Variants in BCKDHB observed in about 807,000 individuals in gnomAD.
BCKDHB encodes the protein 2-oxoisovalerate dehydrogenase subunit beta, mitochondrial.
In BCKDHB, 41 loss-of-function variants were observed where a neutral mutation model predicts 48.5. The ratio of observed to expected loss-of-function variants is 0.85; its 90% CI spans 0.66 to 1.10. BCKDHB has a LOEUF of 1.10. BCKDHB is among the 50% of genes least tolerant of loss of function. The pLI, the probability that BCKDHB is intolerant of heterozygous loss-of-function variation, is 0.00. For missense variants in BCKDHB, 496 were observed against 494.2 expected, an observed-to-expected ratio of 1.00 and a Z score of -0.03; for synonymous variants, 201 against 174.8, an observed-to-expected ratio of 1.15 and a Z score of -1.18.
chr6:80,389,224 A>G, the BCKDHB span, among the ~76,000 whole-genome samples: 1 of 150,968 alleles, frequency 6.6e-6, no homozygotes, highest in Non-Finnish European at 1.5e-5. Context: ...TTATCACCTA[A>G]TGGGCCCACG....
At chr6:80,244,403 G>A (rs1776519540) in intron 8 of BCKDHB, among the ~76,000 whole-genome samples, 2 of 152,244 alleles carry the variant, frequency 1.3e-5, no homozygotes, top group Admixed American at 6.5e-5. Flanking sequence ...ATATTCCATA[G>A]AGATTCTAAA....
intron 9 of BCKDHB, among the ~76,000 whole-genome samples, chr6:80,325,163 A>G (rs574424338): frequency 2.0e-5 from 3 of 152,298 alleles, no homozygotes; most frequent in East Asian, 3.9e-4. Flanking sequence ...TAATATAATA[A>G]ACATCAAATA....
intron 9 of BCKDHB, among the ~76,000 whole-genome samples, chr6:80,285,245 T>C (rs1382891094): frequency 1.3e-5 from 2 of 152,120 alleles, no homozygotes; most frequent in African/African-American, 4.8e-5. Flanking sequence ...CTAAATTTTA[T>C]TAAAACCAGC....
chr6:80,188,890 G>A (rs1306235953), intron 6 of BCKDHB, among the ~76,000 whole-genome samples: 2 of 152,162 alleles, frequency 1.3e-5, no homozygotes, highest in Non-Finnish European at 2.9e-5. Flanking sequence ...CAAGAGAGGT[G>A]GATAGAAACA....
chr6:80,267,137 G>T (rs892498468), intron 8 of BCKDHB, among the ~76,000 whole-genome samples: 1 of 151,268 alleles, frequency 6.6e-6, no homozygotes, highest in Non-Finnish European at 1.5e-5. Flanking sequence ...TCTTCAGTAG[G>T]CATTGTAAGT....
At position 80,314,319 on chromosome 6, in the gene BCKDHB, A is replaced by G. The variant is rs377135575; in HGVS notation, c.1039-29345A>G. Among the ~76,000 whole-genome samples, 156 of 152,234 alleles carry G rather than the reference A, an allele frequency of 1.0e-3. 1 individual carries two copies. The highest frequency in any genetic ancestry group is 3.5e-3 in the African/African-American group (145 of 41,532). On this transcript the variant is annotated intron_variant, in intron 9 of 9. Coordinates refer to ENST00000320393, the MANE Select transcript of BCKDHB (RefSeq NM_183050.4). ...AGAACTGGGATCAGGGTCCCACTTA[A>G]AGGAGTAATCTGGCTGCGTTTTGGT...
chr6:80,245,773 C>T (rs767707865), intron 8 of BCKDHB, among the ~76,000 whole-genome samples: 4 of 151,958 alleles, frequency 2.6e-5, no homozygotes, highest in South Asian at 4.2e-4. Context: ...CAAGTATTAT[C>T]CAGTTAGAAA....
chr6:80,419,628 C>G, the BCKDHB span, among the ~76,000 whole-genome samples: 1 of 152,182 alleles, frequency 6.6e-6, no homozygotes, highest in Non-Finnish European at 1.5e-5. Flanking sequence ...TTTGTTTAAG[C>G]AGCCTCAACC....
intron 3 of BCKDHB, among the ~76,000 whole-genome samples, chr6:80,165,440 C>T (rs1772524217): frequency 1.3e-5 from 2 of 152,152 alleles, no homozygotes; most frequent in Admixed American, 1.3e-4. Context: ...TTCCCAACAC[C>T]TGCCCCATGT....
chr6:80,413,857 G>A, the BCKDHB span, among the ~76,000 whole-genome samples: 1 of 152,082 alleles, frequency 6.6e-6, no homozygotes, highest in African/African-American at 2.4e-5. Flanking sequence ...CTGTTTTTAT[G>A]TCTTTGAGAA....
At chr6:80,400,781 G>A in the BCKDHB span, among the ~76,000 whole-genome samples, 9 of 151,956 alleles carry the variant, frequency 5.9e-5, no homozygotes, top group South Asian at 2.1e-4. Flanking sequence ...TGATTGCAGC[G>A]CTATTCACAA....
intron 9 of BCKDHB, among the ~76,000 whole-genome samples, chr6:80,276,653 A>G (rs951572803): frequency 1.3e-5 from 2 of 151,692 alleles, no homozygotes; most frequent in African/African-American, 2.4e-5. Flanking sequence ...CAGTGCCCAC[A>G]TCTTAGGTTT....
chr6:80,381,558 CA>C, the BCKDHB span, among the ~76,000 whole-genome samples: 1 of 152,036 alleles, frequency 6.6e-6, no homozygotes, highest in Non-Finnish European at 1.5e-5. Flanking sequence ...GGTTTTCTAA[CA>C]AAAATGTTTT....
At chr6:80,415,229 C>T in the BCKDHB span, among the ~76,000 whole-genome samples, 1 of 152,128 alleles carries the variant, frequency 6.6e-6, no homozygotes, top group Non-Finnish European at 1.5e-5. Flanking sequence ...TTGACTTCCT[C>T]TTTTACTATT....
the BCKDHB span, among the ~76,000 whole-genome samples, chr6:80,413,770 G>A: frequency 6.6e-6 from 1 of 152,164 alleles, no homozygotes; most frequent in Admixed American, 6.5e-5. Context: ...ATTCATGCAT[G>A]TTTCTCTATG....
At chr6:80,164,739 G>A (rs911380695) in intron 3 of BCKDHB, among the ~76,000 whole-genome samples, 2 of 152,086 alleles carry the variant, frequency 1.3e-5, no homozygotes, top group Admixed American at 6.5e-5. Context: ...AGTAATCCGT[G>A]GAGGTAACAC....
chr6:80,370,776 CG>C, the BCKDHB span, among the ~76,000 whole-genome samples: 1 of 44,466 alleles, frequency 2.2e-5, no homozygotes, highest in African/African-American at 6.3e-5. Context: ...GTATATATAG[CG>C]TGTGTGTGTA....
the BCKDHB span, among the ~76,000 whole-genome samples, chr6:80,443,069 T>C: frequency 1.4e-4 from 21 of 152,126 alleles, no homozygotes; most frequent in African/African-American, 4.8e-4. Flanking sequence ...CCAGAAAGGC[T>C]GATGAAATCA....
intron 3 of BCKDHB, among the ~76,000 whole-genome samples, chr6:80,133,430 A>C (rs1770729065): frequency 6.6e-6 from 1 of 152,212 alleles, no homozygotes; most frequent in Non-Finnish European, 1.5e-5. Context: ...AGAACAAAAT[A>C]GTATGAGTGC....
Sources: gnomAD v4.1 joint callset for allele counts (sites outside exome capture counted in the v4.1 genomes callset) on GRCh38, gnomAD v4.1.1 for gene constraint, MANE v1.5 for transcripts, NCBI Gene and HGNC (gene_info 2026-07-23, HGNC 2026-07-21) for gene names.